Variants in ZFPM2 observed in about 807,000 individuals in gnomAD.
ZFPM2 encodes the protein zinc finger protein, FOG family member 2, also known as zinc finger protein ZFPM2.
In ZFPM2, 20 loss-of-function variants were observed where a neutral mutation model predicts 98.6. That is an observed-to-expected ratio of 0.20 (90% CI 0.14 to 0.29). The LOEUF (loss-of-function observed/expected upper bound fraction) is 0.29, where lower values mean the gene tolerates loss of function less well. Ranked by LOEUF, ZFPM2 falls within the 10% of genes least tolerant of loss-of-function variation. The probability of loss-of-function intolerance (pLI) is 1.00; values close to 1 mark genes in which losing one functional copy is unlikely to be tolerated. For missense variants in ZFPM2, 1,310 were observed against 1,388.6 expected (o/e 0.94, Z 0.90); for synonymous variants, 518 against 502.7 (o/e 1.03, Z -0.41).
intron 4 of ZFPM2, among the ~76,000 whole-genome samples, chr8:105,603,582 A>C (rs1223351583): frequency 2.0e-5 from 3 of 152,108 alleles, no homozygotes; most frequent in African/African-American, 4.8e-5. Flanking sequence ...ATGTTTCTGT[A>C]ATATTATCTA....
chr8:105,639,243 A>G (rs993523072), intron 5 of ZFPM2, among the ~76,000 whole-genome samples: 13 of 152,092 alleles, frequency 8.5e-5, no homozygotes, highest in Admixed American at 7.2e-4. Flanking sequence ...TTTCATATGA[A>G]AAACAAATAG....
At chr8:105,713,973 G>GT (rs1373692899) in intron 5 of ZFPM2, among the ~76,000 whole-genome samples, 2 of 152,032 alleles carry the variant, frequency 1.3e-5, no homozygotes, top group Admixed American at 6.6e-5. Flanking sequence ...CTTTCGAATA[G>GT]TTTTTTTCTA....
intron 4 of ZFPM2, among the ~76,000 whole-genome samples, chr8:105,598,053 G>GA (rs1289453301): frequency 0.012 from 1,596 of 134,250 alleles, 27 homozygotes; most frequent in African/African-American, 0.04. Flanking sequence ...GTTGTTCTTG[G>GA]AAAAAAAAAA....
intron 3 of ZFPM2, among the ~76,000 whole-genome samples, chr8:105,496,673 G>C (rs1489751039): frequency 7.8e-6 from 1 of 128,386 alleles, no homozygotes; most frequent in Non-Finnish European, 1.6e-5. Context: ...TGTTTTTTTG[G>C]TTTTTTTTTT....
chr8:105,441,656 A>C (rs1812254167), intron 2 of ZFPM2, among the ~76,000 whole-genome samples: 1 of 152,012 alleles, frequency 6.6e-6, no homozygotes, highest in Non-Finnish European at 1.5e-5. Context: ...ACCACAGCTA[A>C]CATTGTGATT....
chr8:105,652,203 G>A (rs1817193946), intron 5 of ZFPM2, among the ~76,000 whole-genome samples: 1 of 150,660 alleles, frequency 6.6e-6, no homozygotes, highest in African/African-American at 2.5e-5. Context: ...TTCACTAGGG[G>A]AAGGTCAGTC....
At chr8:105,600,396 T>C (rs1264079785) in intron 4 of ZFPM2, among the ~76,000 whole-genome samples, 1 of 152,126 alleles carries the variant, frequency 6.6e-6, no homozygotes, top group Non-Finnish European at 1.5e-5. Flanking sequence ...TAAGGAAAAC[T>C]GCATATGTAT....
At chr8:105,760,111 T>A (rs2131070328) in intron 5 of ZFPM2, among the ~76,000 whole-genome samples, 1 of 151,956 alleles carries the variant, frequency 6.6e-6, no homozygotes, top group South Asian at 2.1e-4. Flanking sequence ...AGGGAAGACT[T>A]CTTGGTGGAT....
intron 3 of ZFPM2, among the ~76,000 whole-genome samples, chr8:105,470,188 TC>T (rs1812875811): frequency 6.6e-6 from 1 of 152,194 alleles, no homozygotes; most frequent in African/African-American, 2.4e-5. Context: ...TTTTTCTTCT[TC>T]CTTCTTCTTT....
At chr8:105,604,096 T>C (rs1816148211) in intron 4 of ZFPM2, among the ~76,000 whole-genome samples, 1 of 151,990 alleles carries the variant, frequency 6.6e-6, no homozygotes, top group South Asian at 2.1e-4. Context: ...TGTATCACAA[T>C]AGAGATTTGG....
At chr8:105,751,472 T>G (rs1347350599) in intron 5 of ZFPM2, among the ~76,000 whole-genome samples, 1 of 152,094 alleles carries the variant, frequency 6.6e-6, no homozygotes, top group African/African-American at 2.4e-5. Flanking sequence ...CCATTGATGC[T>G]TTAAGCATAT....
At chr8:105,516,526 G>C (rs1328485289) in intron 3 of ZFPM2, among the ~76,000 whole-genome samples, 1 of 152,054 alleles carries the variant, frequency 6.6e-6, no homozygotes, top group Non-Finnish European at 1.5e-5. Context: ...TCTATTTTTA[G>C]TCTTCAAGAA....
chr8:105,426,882 G>T (rs997297137), intron 2 of ZFPM2, among the ~76,000 whole-genome samples: 5 of 152,100 alleles, frequency 3.3e-5, no homozygotes, highest in Non-Finnish European at 5.9e-5. Context: ...GTTTGAACAC[G>T]GGAAGAGGAG....
At chr8:105,358,127 T>G (rs113245721) in intron 1 of ZFPM2, among the ~76,000 whole-genome samples, 5,794 of 152,274 alleles carry the variant, frequency 0.038, 369 homozygotes, top group African/African-American at 0.13. Flanking sequence ...AAAATTAATT[T>G]TGTGAAGCTG....
chr8:105,355,832 A>T (rs531476634), intron 1 of ZFPM2, among the ~76,000 whole-genome samples: 1 of 152,346 alleles, frequency 6.6e-6, no homozygotes, highest in South Asian at 2.1e-4. Context: ...TCAGGTACGA[A>T]CTTAATTATA....
intron 4 of ZFPM2, among the ~76,000 whole-genome samples, chr8:105,616,297 C>T (rs1443902827): frequency 6.6e-6 from 1 of 152,048 alleles, no homozygotes; most frequent in Non-Finnish European, 1.5e-5. Flanking sequence ...TACAGCTTTT[C>T]ATCATGTAAG....
Position 105,419,160 on chromosome 8 carries a change from C to T in ZFPM2, c.57C>T (p.Ala19=), listed in dbSNP as rs186003344. The T allele has an allele frequency of 8.6e-5, 138 of 1,612,716 alleles. No homozygotes were observed. The East Asian group carries it at 3.0e-3, about 35-fold the overall frequency. ...PRQIKRPLED[A]IEDEEEECPS... is the part of the protein sequence containing the mutation. ...TTTTTCAAGGGCCGCTTGAAGATGC[C>T]ATTGAAGATGAGGAAGAAGAATGTC... The change falls in exon 2 of 8, where the codon GCC becomes GCT. Residue 19 remains alanine (A), a synonymous_variant. Coordinates refer to ENST00000407775, the MANE Select transcript of ZFPM2 (RefSeq NM_012082.4).
chr8:105,783,010 C>T (rs890155054), intron 5 of ZFPM2, among the ~76,000 whole-genome samples: 2 of 93,324 alleles, frequency 2.1e-5, no homozygotes, highest in African/African-American at 8.2e-5. Flanking sequence ...TAACCAGGAA[C>T]TAAATTGTTC....
At chr8:105,693,680 G>A (rs1402874478) in intron 5 of ZFPM2, among the ~76,000 whole-genome samples, 2 of 152,024 alleles carry the variant, frequency 1.3e-5, no homozygotes, top group Non-Finnish European at 2.9e-5. Flanking sequence ...TATATGGACA[G>A]CTGTAACATG....
Sources: gnomAD v4.1 joint callset for allele counts (sites outside exome capture counted in the v4.1 genomes callset) on GRCh38, gnomAD v4.1.1 for gene constraint, MANE v1.5 for transcripts, NCBI Gene and HGNC (gene_info 2026-07-23, HGNC 2026-07-21) for gene names.